The following HS6ST2 variants were observed in gnomAD, a reference collection of about 807,000 sequenced individuals.
HS6ST2 encodes the protein heparan sulfate 6-O-sulfotransferase 2.
Under a neutral mutation model 33.0 loss-of-function variants are expected in HS6ST2, and 17 were observed. The observed-to-expected ratio is 0.52, with a 90% confidence interval of 0.35 to 0.77. The LOEUF (loss-of-function observed/expected upper bound fraction) is 0.77, where lower values mean the gene tolerates loss of function less well. Among genes scored for constraint, HS6ST2 ranks in the 30% least tolerant of loss-of-function variants. The pLI is 0.01. For missense variants in HS6ST2, 519 were observed against 551.7 expected, an observed-to-expected ratio of 0.94 and a Z score of 0.59; for synonymous variants, 248 against 237.1, an observed-to-expected ratio of 1.05 and a Z score of -0.42.
chrX:132,668,971 C>A lies in HS6ST2; in HGVS notation c.1067+142G>T, dbSNP rs2063833801. On this transcript the variant is annotated intron_variant, in intron 4 of 4. Coordinates refer to ENST00000370833, the MANE Select transcript of HS6ST2 (RefSeq NM_001394073.1). ...GACACATGCCTTGCTCGTTTCAATT[C>A]CCCAGTGACGAGCCCAGTGGGAGGC... The A allele has an allele frequency of 6.8e-6, 3 of 441,283 alleles. No individual in the cohort carries two copies. In the South Asian group the frequency reaches 1.2e-4, roughly 17 times the overall value. The allele number at this position is 441,283 out of a possible 1,213,427, so 36.4% of individuals were successfully genotyped here.
rs771375947 is a variant in HS6ST2, at chrX:132,919,025, T to C, written c.947+37783A>G. ...ATTACCTTCCCAATTATGTTTTCTT[T>C]AATGAATCGTGAAATAAGTTGCCTT... On this transcript the variant is annotated intron_variant, in intron 2 of 4. Transcript: ENST00000370833. Among the ~76,000 whole-genome samples, 3 of 112,282 alleles carry C rather than the reference T, an allele frequency of 2.7e-5. No individual in the cohort carries two copies. In the East Asian group the frequency reaches 8.4e-4, roughly 32 times the overall value.
intron 2 of HS6ST2, among the ~76,000 whole-genome samples, chrX:132,937,113 C>A (rs2066831646): frequency 9.0e-6 from 1 of 110,690 alleles, no homozygotes; most frequent in African/African-American, 3.3e-5. Flanking sequence ...CCATTTATAG[C>A]AGCTACAAAA....
chrX:132,844,790 C>T, intron 2 of HS6ST2, among the ~76,000 whole-genome samples: 1 of 111,402 alleles, frequency 9.0e-6, no homozygotes, highest in Non-Finnish European at 1.9e-5. Context: ...ATAATCTAAT[C>T]CTAAGGATAA....
At chrX:132,945,749 C>A (rs1240499253) in intron 2 of HS6ST2, among the ~76,000 whole-genome samples, 2 of 104,143 alleles carry the variant, frequency 1.9e-5, no homozygotes, top group African/African-American at 7.1e-5. Context: ...GCAAAGTATC[C>A]CAAGGACAAA....
At chrX:132,736,409 C>T (rs1291663969) in intron 2 of HS6ST2, among the ~76,000 whole-genome samples, 1 of 111,869 alleles carries the variant, frequency 8.9e-6, no homozygotes, top group Non-Finnish European at 1.9e-5. Flanking sequence ...AATTTTTCCT[C>T]TTTTCTTTTA....
intron 2 of HS6ST2, among the ~76,000 whole-genome samples, chrX:132,799,846 G>A: frequency 8.9e-6 from 1 of 112,040 alleles, no homozygotes; most frequent in Non-Finnish European, 1.9e-5. Context: ...ATGAAGTAAT[G>A]TGTGTGAGAT....
intron 2 of HS6ST2, among the ~76,000 whole-genome samples, chrX:132,905,418 G>C (rs2066462763): frequency 1.8e-5 from 2 of 111,991 alleles, no homozygotes; most frequent in African/African-American, 3.2e-5. Flanking sequence ...CATATGATAA[G>C]GTAGTAATCT....
intron 4 of HS6ST2, among the ~76,000 whole-genome samples, chrX:132,642,397 T>C: frequency 9.0e-6 from 1 of 111,335 alleles, no homozygotes; most frequent in South Asian, 3.9e-4. Context: ...AGCTCTAATA[T>C]TGCTTCAAGG....
chrX:132,881,196 C>T (rs922988232), intron 2 of HS6ST2, among the ~76,000 whole-genome samples: 23 of 110,978 alleles, frequency 2.1e-4, no homozygotes, highest in African/African-American at 7.2e-4. Flanking sequence ...CCTGAGGACT[C>T]GCCACACTGT....
At chrX:132,835,708 G>A (rs951383230) in intron 2 of HS6ST2, among the ~76,000 whole-genome samples, 1 of 112,092 alleles carries the variant, frequency 8.9e-6, no homozygotes, top group Non-Finnish European at 1.9e-5. Flanking sequence ...CTGAGGTCAG[G>A]AGTTTGAGAC....
chrX:132,712,295 T>A (rs2064238304), intron 2 of HS6ST2, among the ~76,000 whole-genome samples: 1 of 111,962 alleles, frequency 8.9e-6, no homozygotes, highest in South Asian at 3.8e-4. Flanking sequence ...AACCCACCAC[T>A]TCCTTTTGTA....
chrX:132,638,773 A>T (rs2063579882), intron 4 of HS6ST2, among the ~76,000 whole-genome samples: 1 of 111,992 alleles, frequency 8.9e-6, no homozygotes, highest in African/African-American at 3.2e-5. Context: ...GACAAGCAAG[A>T]CTTATTAGAC....
At chrX:132,905,890 G>A (rs2066469845) in intron 2 of HS6ST2, among the ~76,000 whole-genome samples, 2 of 111,771 alleles carry the variant, frequency 1.8e-5, no homozygotes, top group South Asian at 7.6e-4. Context: ...GCCAGGTGTG[G>A]TGGTGTAGGC....
At chrX:132,817,389 T>C (rs1199957689) in intron 2 of HS6ST2, among the ~76,000 whole-genome samples, 1 of 110,893 alleles carries the variant, frequency 9.0e-6, no homozygotes, top group Admixed American at 9.7e-5. Context: ...ACATAACCAA[T>C]TGGAACAATC....
At chrX:132,940,702 A>G (rs918738847) in intron 2 of HS6ST2, among the ~76,000 whole-genome samples, 2 of 112,342 alleles carry the variant, frequency 1.8e-5, no homozygotes, top group African/African-American at 3.2e-5. Context: ...TAGCCATCAG[A>G]AAAATGCAAA....
chrX:132,953,494 C>A (rs1169183436), intron 2 of HS6ST2, among the ~76,000 whole-genome samples: 1 of 111,665 alleles, frequency 9.0e-6, no homozygotes, highest in Admixed American at 9.5e-5. Context: ...GCACTGGAAG[C>A]AGGATTCAGA....
intron 4 of HS6ST2, among the ~76,000 whole-genome samples, chrX:132,663,172 C>T (rs2063786020): frequency 1.8e-5 from 2 of 112,424 alleles, no homozygotes; most frequent in South Asian, 7.4e-4. Flanking sequence ...TTCAAATACA[C>T]AAAAGGCTGC....
rs5977732 is a variant in HS6ST2 at position 132,695,200 on chromosome X, C to T, written c.980+13262G>A. On this transcript the variant is annotated intron_variant, in intron 3 of 4. Transcript: ENST00000370833. ...CCAGCCTGGCTTCTTCATCCTCACA[C>T]ATCATGCCCACCCTAGCCTGTGTTC... Among the ~76,000 whole-genome samples the T allele has an allele frequency of 5.2e-3, 576 of 111,822 alleles. 3 individuals are homozygous for T. Among genetic ancestry groups the T allele is most frequent in the African/African-American group, 0.018 (547 of 30,833 alleles).
At chrX:132,944,958 T>A (rs1244401049) in intron 2 of HS6ST2, among the ~76,000 whole-genome samples, 2 of 111,555 alleles carry the variant, frequency 1.8e-5, no homozygotes, top group African/African-American at 3.3e-5. Flanking sequence ...GGACTTCATG[T>A]CTAAAACACC....
Sources: allele counts gnomAD v4.1 joint callset (sites outside exome capture counted in the v4.1 genomes callset), GRCh38; gene constraint gnomAD v4.1.1; transcripts MANE v1.5; gene names NCBI Gene and HGNC (gene_info 2026-07-23, HGNC 2026-07-21).